MACROD2: variants seen among roughly 807,000 people sequenced by gnomAD.
MACROD2 encodes the protein mono-ADP ribosylhydrolase 2, also known as ADP-ribose glycohydrolase MACROD2.
A neutral mutation model predicts 70.4 loss-of-function variants in MACROD2; 36 were observed. The ratio of observed to expected loss-of-function variants is 0.51; its 90% CI spans 0.39 to 0.68. The LOEUF is 0.68. Among genes scored for constraint, MACROD2 ranks in the 30% least tolerant of loss-of-function variants. The probability of loss-of-function intolerance (pLI) is 0.00; values close to 1 mark genes in which losing one functional copy is unlikely to be tolerated. For missense variants in MACROD2, 496 were observed against 538.4 expected, an observed-to-expected ratio of 0.92 and a Z score of 0.78; for synonymous variants, 172 against 178.8, an observed-to-expected ratio of 0.96 and a Z score of 0.30.
intron 5 of MACROD2, among the ~76,000 whole-genome samples, chr20:14,988,708 G>C (rs1252504293): frequency 1.3e-5 from 2 of 152,194 alleles, no homozygotes; most frequent in East Asian, 3.9e-4. Flanking sequence ...TTGTACAAGA[G>C]CTTGGTTTTA....
intron 6 of MACROD2, among the ~76,000 whole-genome samples, chr20:15,232,647 C>T (rs175288): frequency 0.39 from 58,943 of 151,762 alleles, 12,091 homozygotes; most frequent in African/African-American, 0.52. Context: ...TTTCACACCT[C>T]ATGATTTGGC....
chr20:14,789,188 C>A lies in MACROD2; in HGVS notation c.418+104229C>A, dbSNP rs376971694. On this transcript the variant is annotated intron_variant, in intron 5 of 17. Transcript: ENST00000684519. The stretch of plus-strand genomic sequence containing the variant: ...TTAAAAATTTAGGCCTATATCGAAA[C>A]CTGTAAATCTCTTAAATAATTATTC... 1.0e-3 allele frequency among the ~76,000 whole-genome samples: 157 copies of A among 151,828 alleles called. 1 individual carries two copies. The highest frequency in any genetic ancestry group is 3.4e-3 in the African/African-American group (142 of 41,366).
chr20:15,075,275 GATGTA>G (rs1267981564), intron 5 of MACROD2, among the ~76,000 whole-genome samples: 1 of 148,400 alleles, frequency 6.7e-6, no homozygotes, highest in Non-Finnish European at 1.5e-5. Context: ...CATTTAATTT[GATGTA>G]ATGGAAAATA....
intron 5 of MACROD2, among the ~76,000 whole-genome samples, chr20:15,143,184 A>T (rs2076205225): frequency 6.6e-6 from 1 of 152,044 alleles, no homozygotes; most frequent in Non-Finnish European, 1.5e-5. Flanking sequence ...TTGTTTCCTG[A>T]CTTTTTAATG....
chr20:15,548,387 C>CT (rs1451249112), intron 8 of MACROD2, among the ~76,000 whole-genome samples: 1 of 151,614 alleles, frequency 6.6e-6, no homozygotes, highest in African/African-American at 2.4e-5. Context: ...TAGAGATGTG[C>CT]TTTTTTTTGT....
At chr20:14,561,258 T>G (rs1332746338) in intron 4 of MACROD2, among the ~76,000 whole-genome samples, 1 of 151,894 alleles carries the variant, frequency 6.6e-6, no homozygotes, top group Non-Finnish European at 1.5e-5. Flanking sequence ...ATTACATTTA[T>G]TTTTAGATTT....
chr20:14,845,532 G>A (rs1600719440), intron 5 of MACROD2, among the ~76,000 whole-genome samples: 2 of 151,944 alleles, frequency 1.3e-5, no homozygotes, highest in South Asian at 4.1e-4. Flanking sequence ...TATATGCTTA[G>A]CCAAGAAATT....
intron 8 of MACROD2, among the ~76,000 whole-genome samples, chr20:15,515,886 G>A (rs908636566): frequency 4.6e-5 from 7 of 152,192 alleles, no homozygotes; most frequent in African/African-American, 1.7e-4. Context: ...TGGACAGATG[G>A]CAGTGTGCTG....
intron 8 of MACROD2, among the ~76,000 whole-genome samples, chr20:15,560,142 A>G (rs942341019): frequency 5.3e-5 from 8 of 152,140 alleles, no homozygotes; most frequent in Non-Finnish European, 1.0e-4. Flanking sequence ...ATGTTTTCCT[A>G]TCATTTTATG....
intron 3 of MACROD2, among the ~76,000 whole-genome samples, chr20:14,476,843 G>T (rs567475233): frequency 6.6e-6 from 1 of 152,258 alleles, no homozygotes; most frequent in East Asian, 1.9e-4. Flanking sequence ...CTTCTATTAA[G>T]AAATGTTTCT....
intron 5 of MACROD2, among the ~76,000 whole-genome samples, chr20:14,774,796 A>C (rs1360218230): frequency 6.6e-6 from 1 of 152,156 alleles, no homozygotes; most frequent in Non-Finnish European, 1.5e-5. Context: ...GAAATATATA[A>C]TACTACACAG....
chr20:14,468,198 T>C (rs1242243926), intron 3 of MACROD2, among the ~76,000 whole-genome samples: 1 of 151,934 alleles, frequency 6.6e-6, no homozygotes, highest in Non-Finnish European at 1.5e-5. Context: ...CTGTCTAATA[T>C]TGACAGTGGG....
Position 15,819,854 on chromosome 20 carries a change from A to C in MACROD2, c.646-42891A>C, listed in dbSNP as rs139797908. On this transcript the variant is annotated intron_variant, in intron 8 of 17. Transcript: ENST00000684519. ...CAACTCCAGAGACTGAATATACAGC[A>C]TGAAGGCTACAGCTAATAAAATTGA... is the stretch of plus-strand genomic sequence containing the variant. 4.1e-3 allele frequency among the ~76,000 whole-genome samples: 621 copies of C among 152,276 alleles called. 3 individuals are homozygous for C. The highest frequency in any genetic ancestry group is 0.014 in the African/African-American group (602 of 41,556).
intron 6 of MACROD2, among the ~76,000 whole-genome samples, chr20:15,382,892 T>C (rs1164556889): frequency 6.6e-6 from 1 of 152,082 alleles, no homozygotes; most frequent in African/African-American, 2.4e-5. Context: ...TTTCTGAGAC[T>C]GAGGGAAAAG....
intron 4 of MACROD2, among the ~76,000 whole-genome samples, chr20:14,679,114 C>G (rs1444022944): frequency 2.0e-5 from 3 of 152,148 alleles, no homozygotes; most frequent in Non-Finnish European, 4.4e-5. Context: ...GGGAAACAGA[C>G]TTTTAGCATA....
intron 2 of MACROD2, among the ~76,000 whole-genome samples, chr20:14,085,220 A>G (rs530963700): frequency 2.6e-5 from 4 of 151,390 alleles, no homozygotes; most frequent in African/African-American, 7.3e-5. Flanking sequence ...GCTCAAATAT[A>G]TATATATTCT....
intron 12 of MACROD2, among the ~76,000 whole-genome samples, chr20:15,953,352 CAGA>C (rs1414259890): frequency 1.3e-5 from 2 of 151,998 alleles, no homozygotes; most frequent in African/African-American, 2.4e-5. Context: ...TTCCAATAGC[CAGA>C]AGGAGTATAT....
At chr20:15,777,562 CTTCCTTCCTTCCTTCT>C (rs1568555617) in intron 8 of MACROD2, among the ~76,000 whole-genome samples, 19 of 93,818 alleles carry the variant, frequency 2.0e-4, no homozygotes, top group Non-Finnish European at 4.1e-4. Context: ...TCCTTCCTTC[CTTCCTTCCTTCCTTCT>C]TTCCTTCCTT....
At chr20:15,108,884 A>T (rs2123214990) in intron 5 of MACROD2, among the ~76,000 whole-genome samples, 1 of 149,086 alleles carries the variant, frequency 6.7e-6, no homozygotes, top group Non-Finnish European at 1.5e-5. Flanking sequence ...AATTAGCCTG[A>T]AATTACACAA....
Sources: gnomAD v4.1 joint callset for allele counts (sites outside exome capture counted in the v4.1 genomes callset) on GRCh38, gnomAD v4.1.1 for gene constraint, MANE v1.5 for transcripts, NCBI Gene and HGNC (gene_info 2026-07-23, HGNC 2026-07-21) for gene names.